KIF27: variants seen among roughly 807,000 people sequenced by gnomAD.
The protein encoded by KIF27 is kinesin family member 27.
Under a neutral mutation model 141.8 loss-of-function variants are expected in KIF27, and 84 were observed. The observed-to-expected ratio is 0.59, with a 90% CI of 0.50 to 0.71. KIF27 has a LOEUF of 0.71. Ranked by LOEUF, KIF27 falls within the 30% of genes least tolerant of loss-of-function variation. The probability of loss-of-function intolerance (pLI) is 0.00; values close to 1 mark genes in which losing one functional copy is unlikely to be tolerated. For missense variants in KIF27, 1,306 were observed against 1,628.4 expected, an observed-to-expected ratio of 0.80 and a Z score of 3.41; for synonymous variants, 471 against 569.5, an observed-to-expected ratio of 0.83 and a Z score of 2.46.
chr9:83,862,811 G>A (rs1161788393), intron 13 of KIF27, among the ~76,000 whole-genome samples: 1 of 152,102 alleles, frequency 6.6e-6, no homozygotes, highest in Non-Finnish European at 1.5e-5. Flanking sequence ...CCATGAGCAT[G>A]GAATATTCTT....
In KIF27 at chr9:83,903,552, G is replaced by C. The variant is rs747892864; in HGVS notation, c.966C>G (p.Ser322=). ...TVMITCVSPS[S]SNFDESLNSL... is the part of the protein sequence containing the mutation. ...AATTTAAGGACTCATCAAAATTCGA[G>C]GAGGAGGGGCTGACACATGTGATCA... The change falls in exon 4 of 18, where the codon TCC becomes TCG. Residue 322 remains serine, a synonymous_variant. Transcript: ENST00000297814. 2.5e-6 allele frequency: 4 copies of C among 1,614,164 alleles called. No homozygotes were observed. Among genetic ancestry groups the C allele is most frequent in the Non-Finnish European group, 3.4e-6 (4 of 1,180,004 alleles).
At chr9:83,873,079 A>G (rs572169573) in intron 11 of KIF27, among the ~76,000 whole-genome samples, 5 of 152,380 alleles carry the variant, frequency 3.3e-5, no homozygotes, top group South Asian at 2.1e-4. Flanking sequence ...CAAGCTAGAC[A>G]GAATGCCTAG....
chr9:83,851,289 C>T (rs1948555566), intron 15 of KIF27, among the ~76,000 whole-genome samples: 1 of 152,280 alleles, frequency 6.6e-6, no homozygotes, highest in African/African-American at 2.4e-5. Flanking sequence ...AACATCTAGA[C>T]AATTCCAAGT....
chr9:83,850,030 C>G, intron 16 of KIF27, 69 bp downstream of exon 16: 1 of 1,334,496 alleles, frequency 7.5e-7, no homozygotes, highest in East Asian at 2.3e-5. Flanking sequence ...TGATCAAATT[C>G]TGTCCTATCT....
intron 15 of KIF27, among the ~76,000 whole-genome samples, chr9:83,851,147 T>C (rs1948542419): frequency 6.6e-6 from 1 of 152,024 alleles, no homozygotes; most frequent in Admixed American, 6.5e-5. Flanking sequence ...ACACTTTCAT[T>C]TTTAATATAC....
At chr9:83,887,231 T>C in intron 8 of KIF27, 35 bp from the exon 9 acceptor site, 1 of 1,348,228 alleles carries the variant, frequency 7.4e-7, no homozygotes, top group Non-Finnish European at 9.9e-7. Context: ...AACTATCTGC[T>C]GGTAAAATAT....
intron 3 of KIF27, among the ~76,000 whole-genome samples, chr9:83,908,217 G>A (rs1483315670): frequency 1.4e-5 from 2 of 139,678 alleles, no homozygotes; most frequent in African/African-American, 2.7e-5. Flanking sequence ...AGCCAAGATC[G>A]CACCACTACA....
chr9:83,854,677 A>C (rs1228261065), intron 14 of KIF27, among the ~76,000 whole-genome samples: 3 of 152,216 alleles, frequency 2.0e-5, no homozygotes, highest in Non-Finnish European at 4.4e-5. Flanking sequence ...CTGGGACTAC[A>C]GGCACATGCC....
At chr9:83,883,198 G>A (rs1951821654) in intron 10 of KIF27, among the ~76,000 whole-genome samples, 1 of 151,998 alleles carries the variant, frequency 6.6e-6, no homozygotes, top group Non-Finnish European at 1.5e-5. Context: ...AGAAATAGAG[G>A]ACACATCCTA....
At position 83,903,855 on chromosome 9, in the gene KIF27, A is replaced by G; in HGVS notation, c.663T>C (p.Asn221=). ...FTISICQVHK[N]MEAAEDGSWY... ...ATGATCCATCTTCAGCTGCCTCCAT[A>G]TTTTTATGAACTTGACAAATGCTGA... is the stretch of plus-strand genomic sequence containing the variant. Residue 221 remains asparagine, a synonymous_variant, in exon 4 of 18, where the codon AAT becomes AAC. Transcript: ENST00000297814. 4 of 1,614,068 alleles carry G rather than the reference A, an allele frequency of 2.5e-6. No individual in the cohort carries two copies. The highest frequency in any genetic ancestry group is 3.4e-6 in the Non-Finnish European group (4 of 1,180,010).
intron 1 of KIF27, among the ~76,000 whole-genome samples, chr9:83,918,647 C>A (rs746629138): frequency 5.3e-5 from 8 of 152,120 alleles, no homozygotes; most frequent in Non-Finnish European, 1.2e-4. Flanking sequence ...CAATCAAAAT[C>A]ACAATGAGAG....
chr9:83,889,977 T>A (rs1422951962), intron 6 of KIF27, among the ~76,000 whole-genome samples: 1 of 152,204 alleles, frequency 6.6e-6, no homozygotes, highest in Non-Finnish European at 1.5e-5. Context: ...TTGTTCTGGT[T>A]TCTATTACAA....
rs117094547 is a variant in KIF27 at position 83,875,552 on chromosome 9, G to A, written c.2643+4745C>T. Among the ~76,000 whole-genome samples the A allele has an allele frequency of 9.1e-3, 1,390 of 152,222 alleles. 12 individuals carry two copies. Among genetic ancestry groups the A allele is most frequent in the Middle Eastern group, 0.014 (4 of 294 alleles). Reference sequence around the variant, plus strand: ...GGAAAAGTATCCTATACTCACCTAGGATGGAGTATAGAAGAGGGCAGAGAC... The same window carrying A: ...GGAAAAGTATCCTATACTCACCTAGAATGGAGTATAGAAGAGGGCAGAGAC... On this transcript the variant is annotated intron_variant, in intron 11 of 17. Transcript: ENST00000297814.
At chr9:83,883,443 A>G (rs1489133697) in intron 10 of KIF27, among the ~76,000 whole-genome samples, 2 of 152,258 alleles carry the variant, frequency 1.3e-5, no homozygotes, top group Non-Finnish European at 2.9e-5. Flanking sequence ...TGGGAAAACC[A>G]TATCTCGAAA....
At chr9:83,866,086 T>C (rs1181743489) in intron 13 of KIF27, among the ~76,000 whole-genome samples, 1 of 152,114 alleles carries the variant, frequency 6.6e-6, no homozygotes, top group East Asian at 1.9e-4. Context: ...TTGCTGTGCC[T>C]GGTTCAATCT....
intron 3 of KIF27, among the ~76,000 whole-genome samples, chr9:83,905,270 C>T (rs1019924181): frequency 4.6e-5 from 7 of 152,130 alleles, no homozygotes; most frequent in African/African-American, 7.2e-5. Flanking sequence ...AGGCGCCCAC[C>T]ACCACGCCTG....
Position 83,835,165 on chromosome 9 carries a change from G to C in KIF27, c.*1836C>G, listed in dbSNP as rs1162769870. 4.0e-5 allele frequency among the ~76,000 whole-genome samples: 6 copies of C among 148,966 alleles called. No individual in the cohort carries two copies. Among genetic ancestry groups the C allele is most frequent in the Non-Finnish European group, 5.9e-5 (4 of 67,400 alleles). On this transcript the variant is annotated 3_prime_UTR_variant, in exon 18 of 18. Coordinates refer to ENST00000297814, the MANE Select transcript of KIF27 (RefSeq NM_017576.4). ...CTTATATACTTGTATATGTACAAGT[G>C]TATATACATATATATATATGAAATA...
At chr9:83,859,773 TCCAC>T (rs1949684428) in intron 13 of KIF27, 1 of 168,480 alleles carries the variant, frequency 5.9e-6, no homozygotes. Context: ...CCTCAGGTGA[TCCAC>T]CCACCTCAGC....
chr9:83,865,119 T>G (rs1378298563), intron 13 of KIF27, among the ~76,000 whole-genome samples: 3 of 152,176 alleles, frequency 2.0e-5, no homozygotes, highest in East Asian at 3.8e-4. Context: ...TGAGAAAATT[T>G]TTTATATGAT....
Sources: allele counts gnomAD v4.1 joint callset (sites outside exome capture counted in the v4.1 genomes callset), GRCh38; gene constraint gnomAD v4.1.1; transcripts MANE v1.5; gene names NCBI Gene and HGNC (gene_info 2026-07-23, HGNC 2026-07-21).